The following USP32 variants were observed in gnomAD, a reference collection of about 807,000 sequenced individuals.
The protein encoded by USP32 is ubiquitin carboxyl-terminal hydrolase 32.
Under a neutral mutation model 204.8 loss-of-function variants are expected in USP32, and 59 were observed. That is an observed-to-expected ratio of 0.29 (90% CI 0.23 to 0.36). USP32 has a LOEUF of 0.36. USP32 is among the 10% of genes least tolerant of loss of function. The probability of loss-of-function intolerance (pLI) is 1.00; values close to 1 mark genes in which losing one functional copy is unlikely to be tolerated. For synonymous variants in USP32, 517 were observed against 678.4 expected (o/e 0.76, Z 3.70); for missense variants, 1,160 against 1,946.4 (o/e 0.60, Z 7.60).
At chr17:60,286,514 TG>T (rs1233534795) in intron 5 of USP32, among the ~76,000 whole-genome samples, 1 of 152,184 alleles carries the variant, frequency 6.6e-6, no homozygotes, top group Non-Finnish European at 1.5e-5. Flanking sequence ...TTCTAGGGAC[TG>T]AGGCAGAGCA....
intron 11 of USP32, among the ~76,000 whole-genome samples, chr17:60,239,882 T>C (rs770752546): frequency 2.6e-5 from 4 of 152,184 alleles, no homozygotes; most frequent in Non-Finnish European, 4.4e-5. Flanking sequence ...TACAGGAGCC[T>C]GCCACCAGGC....
At chr17:60,399,729 A>C (rs2089922562) in intron 1 of USP32, among the ~76,000 whole-genome samples, 1 of 152,146 alleles carries the variant, frequency 6.6e-6, no homozygotes, top group Non-Finnish European at 1.5e-5. Flanking sequence ...GAGAAGCAAA[A>C]AGGGTGATAT....
intron 3 of USP32, among the ~76,000 whole-genome samples, chr17:60,295,676 G>GT (rs2087410841): frequency 6.6e-6 from 1 of 152,178 alleles, no homozygotes; most frequent in African/African-American, 2.4e-5. Context: ...CACAAGAAGG[G>GT]TGAGTACAGG....
chr17:60,413,840 G>C (rs2090037416), intron 1 of USP32, among the ~76,000 whole-genome samples: 1 of 141,822 alleles, frequency 7.1e-6, no homozygotes, highest in Admixed American at 7.1e-5. Context: ...ACTCCAGCCT[G>C]GCGACAGCTA....
chr17:60,390,601 T>C (rs1233079215), intron 1 of USP32, among the ~76,000 whole-genome samples: 1 of 152,210 alleles, frequency 6.6e-6, no homozygotes, highest in Non-Finnish European at 1.5e-5. Flanking sequence ...CCACCACCAA[T>C]ACATCTCAAT....
chr17:60,390,303 A>G (rs967573380), intron 1 of USP32, among the ~76,000 whole-genome samples: 1 of 152,240 alleles, frequency 6.6e-6, no homozygotes, highest in Non-Finnish European at 1.5e-5. Context: ...CTCAAACTTA[A>G]GAAACACTTC....
At chr17:60,181,159 T>C (rs1001588537) in intron 32 of USP32, among the ~76,000 whole-genome samples, 165 bp downstream of exon 32, 4 of 152,038 alleles carry the variant, frequency 2.6e-5, no homozygotes, top group African/African-American at 4.8e-5. Context: ...CAGGTGTGAG[T>C]CACCACACCT....
intron 1 of USP32, among the ~76,000 whole-genome samples, chr17:60,353,047 T>TA (rs1448868688): frequency 6.6e-6 from 1 of 152,232 alleles, no homozygotes; most frequent in Non-Finnish European, 1.5e-5. Context: ...GAAATGAATG[T>TA]ATGTGTCCTC....
At chr17:60,211,271 A>T in intron 20 of USP32, 105 bp downstream of exon 20, 1 of 1,521,064 alleles carries the variant, frequency 6.6e-7, no homozygotes, top group Non-Finnish European at 8.8e-7. Context: ...TAGGGCAAAT[A>T]AGATAAAATC....
intron 11 of USP32, among the ~76,000 whole-genome samples, chr17:60,242,304 AT>A (rs528615975): frequency 1.3e-4 from 20 of 150,628 alleles, no homozygotes; most frequent in South Asian, 6.3e-4. Flanking sequence ...CTCCTGGACC[AT>A]TTTTTTTTCT....
chr17:60,266,207 C>A (rs906266006), intron 7 of USP32, 116 bp from the exon 8 acceptor site: 1 of 706,396 alleles, frequency 1.4e-6, no homozygotes, highest in Non-Finnish European at 2.4e-6. Flanking sequence ...TATATGTATT[C>A]TGGAACAGTT....
chr17:60,254,413 A>C (rs1422462599), intron 10 of USP32, among the ~76,000 whole-genome samples: 7 of 152,078 alleles, frequency 4.6e-5, no homozygotes, highest in East Asian at 3.9e-4. Flanking sequence ...TACTTTGAAA[A>C]ACTTGGGCTG....
At chr17:60,380,829 G>A (rs1473781620) in intron 1 of USP32, among the ~76,000 whole-genome samples, 1 of 152,094 alleles carries the variant, frequency 6.6e-6, no homozygotes, top group African/African-American at 2.4e-5. Flanking sequence ...TCAAAACCAG[G>A]TGGGCACCCA....
At chr17:60,355,887 T>TAAAA (rs58715953) in intron 1 of USP32, among the ~76,000 whole-genome samples, 19 of 51,500 alleles carry the variant, frequency 3.7e-4, no homozygotes, top group Non-Finnish European at 6.7e-4. Context: ...TGAACCTCTG[T>TAAAA]AAAAAAAAAA....
At chr17:60,198,503 T>C (rs2084586031) in intron 26 of USP32, 59 bp from the exon 27 acceptor site, 7 of 1,586,086 alleles carry the variant, frequency 4.4e-6, no homozygotes, top group Non-Finnish European at 2.6e-6. Context: ...TTCCTCCCTT[T>C]AGTTCTTCTA....
intron 1 of USP32, among the ~76,000 whole-genome samples, chr17:60,384,846 G>A (rs1487703350): frequency 6.6e-6 from 1 of 151,658 alleles, no homozygotes; most frequent in Admixed American, 6.6e-5. Flanking sequence ...GGTGGCTCAC[G>A]CCTGTAATTC....
At chr17:60,259,429 T>C (rs1348161832) in intron 9 of USP32, among the ~76,000 whole-genome samples, 1 of 151,578 alleles carries the variant, frequency 6.6e-6, no homozygotes, top group Non-Finnish European at 1.5e-5. Flanking sequence ...CCAGTATGAG[T>C]GAGTGTGGAT....
intron 9 of USP32, among the ~76,000 whole-genome samples, chr17:60,262,278 G>A (rs577985160): frequency 7.6e-4 from 116 of 152,188 alleles, no homozygotes; most frequent in African/African-American, 2.6e-3. Context: ...TGCAACCTCC[G>A]CCTCCCAGGT....
intron 6 of USP32, among the ~76,000 whole-genome samples, chr17:60,270,948 T>C (rs920999241): frequency 6.6e-6 from 1 of 152,044 alleles, no homozygotes; most frequent in Admixed American, 6.6e-5. Flanking sequence ...AATCTTCTTA[T>C]GTAAAAGAAA....
Sources: gnomAD v4.1 joint callset for allele counts (sites outside exome capture counted in the v4.1 genomes callset) on GRCh38, gnomAD v4.1.1 for gene constraint, MANE v1.5 for transcripts, NCBI Gene and HGNC (gene_info 2026-07-23, HGNC 2026-07-21) for gene names.